CNTN3: variants seen among roughly 807,000 people sequenced by gnomAD.
CNTN3 encodes contactin-3.
A neutral mutation model predicts 119.1 loss-of-function variants in CNTN3; 60 were observed. That is an observed-to-expected ratio of 0.50 (90% confidence interval 0.41 to 0.62). CNTN3 has a LOEUF of 0.62. Among genes scored for constraint, CNTN3 ranks in the 20% least tolerant of loss-of-function variants. The pLI is 0.00. For missense variants in CNTN3, 1,101 were observed against 1,242.4 expected (o/e 0.89, Z 1.71); for synonymous variants, 450 against 438.7 (o/e 1.03, Z -0.32).
At chr3:74,336,835 T>C (rs1341117307) in intron 11 of CNTN3, among the ~76,000 whole-genome samples, 177 bp from the exon 12 acceptor site, 3 of 151,716 alleles carry the variant, frequency 2.0e-5, no homozygotes, top group Admixed American at 6.6e-5. Context: ...CTCACTCACA[T>C]ACATAAACAC....
At chr3:74,343,647 T>C (rs1703602830) in intron 11 of CNTN3, among the ~76,000 whole-genome samples, 1 of 152,252 alleles carries the variant, frequency 6.6e-6, no homozygotes, top group Non-Finnish European at 1.5e-5. Context: ...TTGCCCCTAT[T>C]GAATGCAGTC....
intron 1 of CNTN3, among the ~76,000 whole-genome samples, chr3:74,522,545 G>A (rs1299263018): frequency 6.6e-6 from 1 of 151,854 alleles, no homozygotes; most frequent in African/African-American, 2.4e-5. Context: ...CAGACAGGAT[G>A]GAGAAGTAAG....
chr3:74,469,583 G>A (rs563229956), intron 4 of CNTN3, among the ~76,000 whole-genome samples: 5 of 152,276 alleles, frequency 3.3e-5, no homozygotes, highest in African/African-American at 9.6e-5. Flanking sequence ...TAGTTGGCCA[G>A]TAAACACATG....
At chr3:74,605,123 G>A (rs530526969) in intron 1 of CNTN3, among the ~76,000 whole-genome samples, 5 of 152,124 alleles carry the variant, frequency 3.3e-5, no homozygotes, top group Non-Finnish European at 5.9e-5. Context: ...GAATAGAATG[G>A]TGGTTACCAG....
intron 18 of CNTN3, among the ~76,000 whole-genome samples, chr3:74,297,552 T>A (rs887265147): frequency 6.6e-6 from 1 of 152,174 alleles, no homozygotes; most frequent in African/African-American, 2.4e-5. Flanking sequence ...CAATTAGGTC[T>A]CCTGCTCAGT....
chr3:74,397,378 G>A (rs1200777742), intron 5 of CNTN3, among the ~76,000 whole-genome samples: 1 of 152,036 alleles, frequency 6.6e-6, no homozygotes, highest in East Asian at 1.9e-4. Context: ...TTACATGCCT[G>A]CAAATACATC....
intron 13 of CNTN3, among the ~76,000 whole-genome samples, chr3:74,328,471 T>C (rs956310158): frequency 3.3e-5 from 5 of 152,234 alleles, no homozygotes; most frequent in Admixed American, 1.3e-4. Context: ...ATTTCATTTA[T>C]AGCCTTGGTT....
chr3:74,588,509 T>A (rs1704638990), intron 1 of CNTN3, among the ~76,000 whole-genome samples: 1 of 151,858 alleles, frequency 6.6e-6, no homozygotes. Flanking sequence ...AGAATCAATA[T>A]CATGAAAATG....
At chr3:74,432,645 C>T (rs1701803284) in intron 4 of CNTN3, among the ~76,000 whole-genome samples, 1 of 152,172 alleles carries the variant, frequency 6.6e-6, no homozygotes, top group Non-Finnish European at 1.5e-5. Flanking sequence ...TGCCTTATGG[C>T]ACATGCAGAA....
chr3:74,299,853 T>C lies in CNTN3; in HGVS notation c.2166+15A>G, dbSNP rs771923157. On this transcript the variant is annotated intron_variant, in intron 17 of 22. Transcript: ENST00000263665. ...AGCAAGACCCTGATGGGGAAGATGCTGCCCAAACACTTACATCCCAGGTTA... is the reference window on the plus strand; with the variant it reads ...AGCAAGACCCTGATGGGGAAGATGCCGCCCAAACACTTACATCCCAGGTTA... 6.2e-7 allele frequency: 1 copy of C among 1,602,280 alleles called. No homozygotes were observed. The highest frequency in any genetic ancestry group is 8.5e-7 in the Non-Finnish European group (1 of 1,174,384).
intron 1 of CNTN3, among the ~76,000 whole-genome samples, chr3:74,591,584 C>T (rs955031179): frequency 2.6e-5 from 4 of 151,356 alleles, no homozygotes; most frequent in Admixed American, 6.6e-5. Context: ...GGCCTGGAAG[C>T]GGGGAAACAG....
At chr3:74,474,819 T>C (rs1034067754) in intron 4 of CNTN3, among the ~76,000 whole-genome samples, 1 of 152,100 alleles carries the variant, frequency 6.6e-6, no homozygotes. Flanking sequence ...TCATCCCTCT[T>C]GGTATTGTCC....
chr3:74,493,792 T>A (rs1703009506), intron 3 of CNTN3, among the ~76,000 whole-genome samples: 1 of 152,160 alleles, frequency 6.6e-6, no homozygotes, highest in Non-Finnish European at 1.5e-5. Context: ...ATTCAATACT[T>A]TATCCAAAAA....
intron 1 of CNTN3, among the ~76,000 whole-genome samples, chr3:74,612,975 C>T (rs973070334): frequency 6.6e-6 from 1 of 152,200 alleles, no homozygotes; most frequent in African/African-American, 2.4e-5. Flanking sequence ...TCCCTAGTCC[C>T]ATGACCCACA....
intron 5 of CNTN3, among the ~76,000 whole-genome samples, chr3:74,391,225 A>C (rs553666332): frequency 6.6e-6 from 1 of 152,182 alleles, no homozygotes; most frequent in African/African-American, 2.4e-5. Flanking sequence ...AGATTAAAGA[A>C]GATATGGAAT....
intron 1 of CNTN3, among the ~76,000 whole-genome samples, chr3:74,523,832 AG>A (rs1192451949): frequency 4.0e-4 from 61 of 152,084 alleles, no homozygotes; most frequent in Non-Finnish European, 8.8e-5. Context: ...CTTATAAATA[AG>A]GAGTAAATTA....
At chr3:74,504,789 C>T (rs536804407) in intron 2 of CNTN3, among the ~76,000 whole-genome samples, 36 of 152,090 alleles carry the variant, frequency 2.4e-4, no homozygotes, top group South Asian at 1.5e-3. Flanking sequence ...TTGTCATTCT[C>T]GGCTGGGAAG....
chr3:74,477,202 C>G (rs1369469182), intron 4 of CNTN3, among the ~76,000 whole-genome samples: 1 of 152,154 alleles, frequency 6.6e-6, no homozygotes, highest in African/African-American at 2.4e-5. Flanking sequence ...ATTATCCTGT[C>G]TGTACAGAAG....
At chr3:74,337,861 T>C (rs1341009240) in intron 11 of CNTN3, among the ~76,000 whole-genome samples, 1 of 151,994 alleles carries the variant, frequency 6.6e-6, no homozygotes, top group Non-Finnish European at 1.5e-5. Flanking sequence ...GTAATTACTT[T>C]AGGAGGAAGG....
Sources: allele counts gnomAD v4.1 joint callset (sites outside exome capture counted in the v4.1 genomes callset), GRCh38; gene constraint gnomAD v4.1.1; transcripts MANE v1.5; gene names NCBI Gene and HGNC (gene_info 2026-07-23, HGNC 2026-07-21).